The following PAPPA2 variants were observed in gnomAD, a reference collection of about 807,000 sequenced individuals.
The protein encoded by PAPPA2 is pappalysin-2.
A neutral mutation model predicts 176.4 loss-of-function variants in PAPPA2; 86 were observed. The observed-to-expected ratio is 0.49, with a 90% CI of 0.41 to 0.58. PAPPA2 has a LOEUF of 0.58. Ranked by LOEUF, PAPPA2 falls within the 20% of genes least tolerant of loss-of-function variation. The pLI, the probability that PAPPA2 is intolerant of heterozygous loss-of-function variation, is 0.00. For synonymous variants in PAPPA2, 809 were observed against 852.2 expected (o/e 0.95, Z 0.88); for missense variants, 2,073 against 2,256.9 (o/e 0.92, Z 1.65).
At chr1:176,712,107 A>T (rs1661176670) in intron 12 of PAPPA2, 126 bp downstream of exon 12, 4 of 1,176,416 alleles carry the variant, frequency 3.4e-6, no homozygotes, top group Non-Finnish European at 4.7e-6. Flanking sequence ...TTGTTATCTC[A>T]AAGTGTTAAT....
intron 1 of PAPPA2, among the ~76,000 whole-genome samples, chr1:176,505,732 C>A (rs970544047): frequency 6.6e-5 from 10 of 151,474 alleles, no homozygotes; most frequent in African/African-American, 9.7e-5. Context: ...TCAAAAAAAA[C>A]CAAAAAAACA....
At chr1:176,711,200 AG>A (rs1409958850) in intron 11 of PAPPA2, among the ~76,000 whole-genome samples, 1 of 152,148 alleles carries the variant, frequency 6.6e-6, no homozygotes, top group African/African-American at 2.4e-5. Flanking sequence ...TTAATAAAAA[AG>A]TAAGGGGAAA....
At chr1:176,632,485 C>G (rs1656399508) in intron 3 of PAPPA2, among the ~76,000 whole-genome samples, 1 of 151,658 alleles carries the variant, frequency 6.6e-6, no homozygotes, top group African/African-American at 2.4e-5. Context: ...GTCGAGATCG[C>G]GCCACTGCAC....
intron 20 of PAPPA2, among the ~76,000 whole-genome samples, chr1:176,796,797 CCTCCCTCTCTCTCCTCTTTCTTT>C (rs1255500123): frequency 1.4e-5 from 2 of 145,500 alleles, no homozygotes; most frequent in Non-Finnish European, 3.0e-5. Context: ...TGTCTTTCTT[CCTCCCTCTCTCTCCTCTTTCTTT>C]CTCCCTCTTT....
intron 3 of PAPPA2, among the ~76,000 whole-genome samples, chr1:176,602,131 A>G (rs1654360211): frequency 6.6e-6 from 1 of 152,132 alleles, no homozygotes; most frequent in Admixed American, 6.5e-5. Flanking sequence ...TGTTTTCTCT[A>G]TATTTGTTTC....
chr1:176,774,258 A>C (rs1331483413), intron 17 of PAPPA2, among the ~76,000 whole-genome samples: 2 of 152,030 alleles, frequency 1.3e-5, no homozygotes, highest in Non-Finnish European at 2.9e-5. Flanking sequence ...CTCAGTTACC[A>C]TCTGCGTGCT....
In PAPPA2 at chr1:176,690,225, C is replaced by T; in HGVS notation, c.2226C>T (p.Tyr742=). 3.7e-6 allele frequency: 6 copies of T among 1,614,098 alleles called. No homozygotes were observed. Among genetic ancestry groups the T allele is most frequent in the Non-Finnish European group, 5.1e-6 (6 of 1,180,004 alleles). Reference sequence around the variant, plus strand: ...AAGTGGGACATGTTCTGGGACTCTACCATGTCTTTAAAGGAGTCAGTGAAA... The same window carrying T: ...AAGTGGGACATGTTCTGGGACTCTATCATGTCTTTAAAGGAGTCAGTGAAA... ...IHEVGHVLGL[Y]HVFKGVSERE... is the part of the protein sequence containing the mutation. The change falls in exon 5 of 23, where the codon TAC becomes TAT. Residue 742 remains tyrosine (Y), a synonymous_variant. Coordinates refer to ENST00000367662, the MANE Select transcript of PAPPA2 (RefSeq NM_020318.3).
chr1:176,615,472 G>T (rs1003084245), intron 3 of PAPPA2, among the ~76,000 whole-genome samples: 5 of 152,004 alleles, frequency 3.3e-5, no homozygotes, highest in African/African-American at 9.7e-5. Flanking sequence ...CACCATGCCC[G>T]GCTAATTTTT....
intron 1 of PAPPA2, among the ~76,000 whole-genome samples, chr1:176,468,982 G>A (rs1211405867): frequency 6.6e-6 from 1 of 152,152 alleles, no homozygotes; most frequent in Non-Finnish European, 1.5e-5. Context: ...GTAAGAGCTG[G>A]TAGGTGGAAG....
intron 2 of PAPPA2, among the ~76,000 whole-genome samples, chr1:176,582,393 C>T (rs1371838304): frequency 6.6e-6 from 1 of 152,134 alleles, no homozygotes; most frequent in Non-Finnish European, 1.5e-5. Context: ...TGTCTTTTTC[C>T]AGTTCTTAGA....
At chr1:176,600,672 T>C (rs1654266639) in intron 3 of PAPPA2, among the ~76,000 whole-genome samples, 1 of 90,010 alleles carries the variant, frequency 1.1e-5, no homozygotes, top group Non-Finnish European at 2.1e-5. Flanking sequence ...CGAGACTCCG[T>C]CTCAAAAAAA....
intron 1 of PAPPA2, among the ~76,000 whole-genome samples, chr1:176,470,439 A>C (rs1325356093): frequency 5.3e-5 from 8 of 152,044 alleles, no homozygotes; most frequent in Non-Finnish European, 1.0e-4. Flanking sequence ...ATCCATCCAC[A>C]TTTTTCACCT....
At chr1:176,795,117 C>T (rs1002927450) in intron 20 of PAPPA2, among the ~76,000 whole-genome samples, 7 of 152,248 alleles carry the variant, frequency 4.6e-5, no homozygotes, top group South Asian at 2.1e-4. Flanking sequence ...TTGTCCAAGG[C>T]ACCTGCACCC....
At position 176,589,976 on chromosome 1, in the gene PAPPA2, G is replaced by T. The variant is rs577591679; in HGVS notation, c.920-4548G>T. On this transcript the variant is annotated intron_variant, in intron 2 of 22. Transcript: ENST00000367662. ...GTAGGGCTGAGGGTCCCTCCTGGGA[G>T]CATGTGGGGACCTGTGCAGGCTACT... Among the ~76,000 whole-genome samples, 3 of 152,296 alleles carry T rather than the reference G, an allele frequency of 2.0e-5. No individual in the cohort carries two copies. The South Asian group carries it at 6.2e-4, about 32-fold the overall frequency.
chr1:176,808,219 C>T (rs1300929845), intron 21 of PAPPA2, among the ~76,000 whole-genome samples: 3 of 151,964 alleles, frequency 2.0e-5, no homozygotes. Flanking sequence ...AGGTTCTGCC[C>T]CTCCCTCCCA....
At chr1:176,471,716 A>G (rs1439351686) in intron 1 of PAPPA2, among the ~76,000 whole-genome samples, 2 of 152,208 alleles carry the variant, frequency 1.3e-5, no homozygotes, top group African/African-American at 2.4e-5. Context: ...AGTTTTATCT[A>G]TTTAAAAATC....
chr1:176,480,258 C>A (rs1652329536), intron 1 of PAPPA2, among the ~76,000 whole-genome samples: 9 of 152,214 alleles, frequency 5.9e-5, no homozygotes. Flanking sequence ...GTCTCTATGC[C>A]TCCCCAGCTC....
intron 21 of PAPPA2, among the ~76,000 whole-genome samples, chr1:176,806,202 C>T (rs137873180): frequency 4.0e-4 from 61 of 152,202 alleles, no homozygotes; most frequent in African/African-American, 1.4e-3. Flanking sequence ...TCAATGCATA[C>T]CTTTGTAGAT....
intron 14 of PAPPA2, among the ~76,000 whole-genome samples, chr1:176,748,662 A>G (rs929687698): frequency 7.2e-5 from 11 of 152,236 alleles, no homozygotes; most frequent in Non-Finnish European, 1.3e-4. Flanking sequence ...GACTGTATAT[A>G]TAATAATGAT....
Sources: gnomAD v4.1 joint callset for allele counts (sites outside exome capture counted in the v4.1 genomes callset) on GRCh38, gnomAD v4.1.1 for gene constraint, MANE v1.5 for transcripts, NCBI Gene and HGNC (gene_info 2026-07-23, HGNC 2026-07-21) for gene names.